ESRRG: variants seen among roughly 807,000 people sequenced by gnomAD.
ESRRG encodes the protein estrogen-related receptor gamma.
Under a neutral mutation model 44.0 loss-of-function variants are expected in ESRRG, and 13 were observed. The observed-to-expected ratio is 0.30, with a 90% confidence interval of 0.19 to 0.47. The LOEUF is 0.47. Ranked by LOEUF, ESRRG falls within the 20% of genes least tolerant of loss-of-function variation. The probability of loss-of-function intolerance (pLI) is 1.00; values close to 1 mark genes in which losing one functional copy is unlikely to be tolerated. For missense variants in ESRRG, 395 were observed against 580.6 expected, an observed-to-expected ratio of 0.68 and a Z score of 3.29; for synonymous variants, 215 against 214.6, an observed-to-expected ratio of 1.00 and a Z score of -0.02.
At chr1:216,550,955 A>G (rs1408480519) in intron 5 of ESRRG, among the ~76,000 whole-genome samples, 2 of 152,160 alleles carry the variant, frequency 1.3e-5, no homozygotes, top group African/African-American at 4.8e-5. Context: ...GCTGATAATC[A>G]GAACATGGGA....
chr1:216,751,603 G>A (rs1207259435), intron 2 of ESRRG, among the ~76,000 whole-genome samples: 2 of 151,396 alleles, frequency 1.3e-5, no homozygotes, highest in Middle Eastern at 3.2e-3. Flanking sequence ...TTTCCTCCCT[G>A]CTTAGGCATC....
chr1:216,577,046 G>A (rs563751076), intron 3 of ESRRG, among the ~76,000 whole-genome samples: 68 of 152,024 alleles, frequency 4.5e-4, no homozygotes, highest in African/African-American at 1.6e-3. Flanking sequence ...AAGAAAGAAA[G>A]AAAAGGGGCA....
intron 1 of ESRRG, among the ~76,000 whole-genome samples, chr1:216,942,248 T>A (rs999825790): frequency 2.6e-5 from 4 of 152,200 alleles, no homozygotes; most frequent in African/African-American, 9.7e-5. Flanking sequence ...CATGATTTCA[T>A]TCTTTTTTAT....
At chr1:216,867,049 A>T (rs759525832) in intron 2 of ESRRG, among the ~76,000 whole-genome samples, 1 of 152,206 alleles carries the variant, frequency 6.6e-6, no homozygotes, top group Non-Finnish European at 1.5e-5. Flanking sequence ...ACTTTGTGAT[A>T]CTGGTGCTCT....
chr1:216,598,144 T>C lies in ESRRG; in HGVS notation c.590-30046A>G, dbSNP rs541367146. ...CATCTTTGAGATACATGTTGACTTC[T>C]AAAGACCAATAGTTCAATTTAATCC... On this transcript the variant is annotated intron_variant, in intron 3 of 6. Coordinates refer to ENST00000408911, the MANE Select transcript of ESRRG (RefSeq NM_001438.4). Among the ~76,000 whole-genome samples the C allele has an allele frequency of 4.6e-5, 7 of 152,358 alleles. No individual in the cohort carries two copies. In the South Asian group the frequency reaches 1.2e-3, roughly 27 times the overall value.
chr1:216,784,724 C>A (rs866007799), intron 2 of ESRRG, among the ~76,000 whole-genome samples: 2 of 151,792 alleles, frequency 1.3e-5, no homozygotes, highest in Non-Finnish European at 2.9e-5. Context: ...TTCTTCCTTC[C>A]TCCTCCCTTT....
intron 3 of ESRRG, among the ~76,000 whole-genome samples, chr1:216,583,214 T>A (rs1332092462): frequency 1.3e-5 from 2 of 152,190 alleles, no homozygotes; most frequent in Non-Finnish European, 2.9e-5. Context: ...TGGCCAGCAA[T>A]ATATCCTAGA....
At chr1:216,772,336 GCT>G (rs2093417828) in intron 2 of ESRRG, among the ~76,000 whole-genome samples, 1 of 152,076 alleles carries the variant, frequency 6.6e-6, no homozygotes, top group East Asian at 1.9e-4. Context: ...AAAGAACTCT[GCT>G]CTCTCTTTCT....
chr1:217,087,144 G>A lies in ESRRG; in HGVS notation c.-106+2363C>T, dbSNP rs2092129452. 2.6e-5 allele frequency among the ~76,000 whole-genome samples: 4 copies of A among 152,150 alleles called. No homozygotes were observed. The South Asian group carries it at 6.2e-4, about 24-fold the overall frequency. On this transcript the variant is annotated intron_variant, in intron 1 of 7. Coordinates refer to the ESRRG transcript ENST00000359162. ...CACTTAGGATCCATTTCAAACATAA[G>A]CCCATTACCTCTGGCGGGCTTTCGC... is the stretch of plus-strand genomic sequence containing the variant.
intron 1 of ESRRG, among the ~76,000 whole-genome samples, chr1:217,047,098 C>T (rs1315384346): frequency 6.6e-6 from 1 of 151,758 alleles, no homozygotes; most frequent in East Asian, 1.9e-4. Context: ...CATCTGGTCT[C>T]GATGGTAAGC....
In ESRRG at chr1:216,735,987, A is replaced by AAAAAAATAT. The variant is rs1453476198; in HGVS notation, c.-13-58497_-13-58496insATATTTTTT. 5.0e-3 allele frequency among the ~76,000 whole-genome samples: 680 copies of AAAAAAATAT among 137,046 alleles called. 6 individuals are homozygous for AAAAAAATAT. Among genetic ancestry groups the AAAAAAATAT allele is most frequent in the African/African-American group, 0.017 (646 of 37,306 alleles). 89.9% of individuals were successfully genotyped at this position (137,046 alleles called of 152,430 possible). ...AGCAATACTCCCCATCTCAAAAAAA[A>AAAAAAATAT]ATATATATATATATATATATACACA... On this transcript the variant is annotated intron_variant, in intron 2 of 7. Coordinates refer to the ESRRG transcript ENST00000359162.
intron 1 of ESRRG, among the ~76,000 whole-genome samples, chr1:217,025,329 T>C (rs1382139961): frequency 6.6e-6 from 1 of 150,790 alleles, no homozygotes; most frequent in African/African-American, 2.4e-5. Context: ...CAAATAGTTG[T>C]AGCCAAAAAT....
rs2063815081 is a variant in ESRRG, at chr1:216,934,448, A to G, written c.-14+5134T>C. Among the ~76,000 whole-genome samples the G allele has an allele frequency of 3.3e-5, 5 of 152,204 alleles. No individual in the cohort carries two copies. The South Asian group carries it at 1.0e-3, about 32-fold the overall frequency. On this transcript the variant is annotated intron_variant, in intron 2 of 7. Transcript: ENST00000359162. ...GACTCCATCTCAAAAATAAAAAGAA[A>G]TACCCGAGACTGGGTAATTTCTGAA...
At chr1:216,779,794 A>T (rs912792872) in intron 2 of ESRRG, among the ~76,000 whole-genome samples, 9 of 151,294 alleles carry the variant, frequency 5.9e-5, no homozygotes, top group East Asian at 3.9e-4. Context: ...TTAGAAAAAC[A>T]TATTAAAAGG....
chr1:217,003,363 G>A (rs1237692633), intron 1 of ESRRG, among the ~76,000 whole-genome samples: 3 of 151,924 alleles, frequency 2.0e-5, no homozygotes, highest in Non-Finnish European at 2.9e-5. Context: ...AGCTTACACT[G>A]TTGAGAAAAT....
intron 2 of ESRRG, among the ~76,000 whole-genome samples, chr1:216,885,036 A>G (rs1182015290): frequency 1.3e-5 from 2 of 152,146 alleles, no homozygotes; most frequent in Non-Finnish European, 2.9e-5. Context: ...GGTCCCTGAA[A>G]GGAAGGATAA....
chr1:216,912,951 G>A (rs1347835401), intron 2 of ESRRG, among the ~76,000 whole-genome samples: 6 of 151,446 alleles, frequency 4.0e-5, no homozygotes, highest in African/African-American at 9.7e-5. Flanking sequence ...ATGAAACCTC[G>A]TCTCTACTAA....
At chr1:216,863,090 C>T (rs902574650) in intron 2 of ESRRG, 2 of 152,044 alleles carry the variant, frequency 1.3e-5, no homozygotes, top group African/African-American at 4.8e-5. Flanking sequence ...CTTTGATACC[C>T]ATCAGAATTG....
chr1:216,760,608 A>T (rs1046378210), intron 2 of ESRRG, among the ~76,000 whole-genome samples: 1 of 152,064 alleles, frequency 6.6e-6, no homozygotes, highest in Non-Finnish European at 1.5e-5. Flanking sequence ...TTCTCTAAAA[A>T]TAACATAAAT....
Sources: allele counts gnomAD v4.1 joint callset (sites outside exome capture counted in the v4.1 genomes callset), GRCh38; gene constraint gnomAD v4.1.1; transcripts MANE v1.5; gene names NCBI Gene and HGNC (gene_info 2026-07-23, HGNC 2026-07-21).